Variants in AOPEP observed in about 807,000 individuals in gnomAD.
AOPEP encodes aminopeptidase O (putative).
AOPEP carries 77 observed loss-of-function variants against 98.1 expected under a neutral mutation model. The ratio of observed to expected loss-of-function variants is 0.78; its 90% CI spans 0.65 to 0.95. The LOEUF (loss-of-function observed/expected upper bound fraction) is 0.95, where lower values mean the gene tolerates loss of function less well. Ranked by LOEUF, AOPEP falls within the 40% of genes least tolerant of loss-of-function variation. The pLI is 0.00. For missense variants in AOPEP, 1,024 were observed against 1,024.7 expected (o/e 1.00, Z 0.01); for synonymous variants, 346 against 365.3 (o/e 0.95, Z 0.60).
rs2061951896 is a variant in AOPEP, at chr9:95,005,628, C to T, written c.2115+12C>T. On this transcript the variant is annotated intron_variant, in intron 13 of 16. Transcript: ENST00000375315. ...AGGTGTTTGAAAAGGTAGGGGTTCCCGAGACGGTACTCGGTGCAGGTCTTG... is the reference window on the plus strand; with the variant it reads ...AGGTGTTTGAAAAGGTAGGGGTTCCTGAGACGGTACTCGGTGCAGGTCTTG... 6 of 1,611,752 alleles carry T rather than the reference C, an allele frequency of 3.7e-6. No individual in the cohort carries two copies. The highest frequency in any genetic ancestry group is 1.1e-5 in the South Asian group (1 of 91,032).
intron 5 of AOPEP, among the ~76,000 whole-genome samples, chr9:94,881,255 T>G (rs1429486117): frequency 1.3e-5 from 2 of 152,048 alleles, no homozygotes; most frequent in Non-Finnish European, 2.9e-5. Context: ...TATTTTTTTT[T>G]TTTTTTTAAG....
intron 6 of AOPEP, among the ~76,000 whole-genome samples, chr9:94,924,706 G>A (rs1253051279): frequency 6.6e-6 from 1 of 152,184 alleles, no homozygotes; most frequent in African/African-American, 2.4e-5. Flanking sequence ...GGTGAGAACT[G>A]TGGCAAACTG....
chr9:94,989,609 C>CTT (rs71498953), intron 11 of AOPEP, among the ~76,000 whole-genome samples: 37 of 123,936 alleles, frequency 3.0e-4, no homozygotes, highest in Non-Finnish European at 4.4e-4. Flanking sequence ...GTAACCCAAA[C>CTT]TTTTTTTTTT....
At chr9:94,987,324 A>T (rs543688088) in intron 11 of AOPEP, among the ~76,000 whole-genome samples, 2 of 152,372 alleles carry the variant, frequency 1.3e-5, no homozygotes, top group South Asian at 4.1e-4. Flanking sequence ...ATCTTGAAGG[A>T]CAGGCAGGTA....
chr9:94,897,694 A>G (rs2049764325), intron 5 of AOPEP, among the ~76,000 whole-genome samples: 2 of 152,224 alleles, frequency 1.3e-5, no homozygotes, highest in African/African-American at 4.8e-5. Flanking sequence ...TGTTTTAATA[A>G]AAATCTCTCT....
rs1394534198 is a variant in AOPEP, at chr9:94,972,143, A to T, written c.1916+4342A>T. 6.6e-6 allele frequency among the ~76,000 whole-genome samples: 1 copy of T among 152,222 alleles called. No individual in the cohort carries two copies. Among genetic ancestry groups the T allele is most frequent in the Non-Finnish European group, 1.5e-5 (1 of 68,042 alleles). On this transcript the variant is annotated intron_variant, in intron 10 of 16. Coordinates refer to ENST00000375315, the MANE Select transcript of AOPEP (RefSeq NM_001193329.3). This position sits in a 1 kb window ranked among gnomAD's most constrained non-coding sequence, Gnocchi z 4.2. The stretch of plus-strand genomic sequence containing the variant: ...TGACCGTGGTGGTGGGTTTGAGAGT[A>T]AATAACGGCCAAGGCATACTTTAGA...
chr9:95,014,926 G>A (rs1428477189), intron 13 of AOPEP, among the ~76,000 whole-genome samples: 1 of 152,188 alleles, frequency 6.6e-6, no homozygotes, highest in Non-Finnish European at 1.5e-5. Context: ...CCACGTAAGA[G>A]GCTGCTGGAA....
intron 1 of AOPEP, among the ~76,000 whole-genome samples, chr9:94,751,363 A>G (rs1285922904): frequency 6.6e-6 from 1 of 152,224 alleles, no homozygotes; most frequent in South Asian, 2.1e-4. Flanking sequence ...GCAGAATTAT[A>G]TTAATTAAAT....
In AOPEP at chr9:94,865,547, T is replaced by A. The variant is rs2045611529; in HGVS notation, c.1365-58439T>A. Among the ~76,000 whole-genome samples, 3 of 152,248 alleles carry A rather than the reference T, an allele frequency of 2.0e-5. No homozygotes were observed. In the South Asian group the frequency reaches 6.2e-4, roughly 31 times the overall value. Reference sequence around the variant, plus strand: ...AATTGCTGATTAGTGAGTCTTTTGCTAGGCTAGGGCTTAAACTGCTTTCAA... The same window carrying A: ...AATTGCTGATTAGTGAGTCTTTTGCAAGGCTAGGGCTTAAACTGCTTTCAA... On this transcript the variant is annotated intron_variant, in intron 5 of 16. Coordinates refer to ENST00000375315, the MANE Select transcript of AOPEP (RefSeq NM_001193329.3).
the AOPEP span, among the ~76,000 whole-genome samples, chr9:95,119,686 T>C: frequency 2.0e-5 from 3 of 151,980 alleles, no homozygotes; most frequent in African/African-American, 7.3e-5. Flanking sequence ...TTCTTAATGA[T>C]ATCTATCAAA....
At chr9:94,982,882 A>G (rs890104861) in intron 11 of AOPEP, among the ~76,000 whole-genome samples, 4 of 152,174 alleles carry the variant, frequency 2.6e-5, no homozygotes, top group African/African-American at 7.2e-5. Context: ...CCCCATAGCC[A>G]TATATTCTAG....
chr9:94,915,049 A>G (rs1033989899), intron 5 of AOPEP, among the ~76,000 whole-genome samples: 2 of 152,144 alleles, frequency 1.3e-5, no homozygotes, highest in Non-Finnish European at 2.9e-5. Context: ...CAAGCAAAAC[A>G]TGTGTATGAG....
intron 9 of AOPEP, among the ~76,000 whole-genome samples, chr9:94,962,564 T>C (rs1367470969): frequency 6.6e-6 from 1 of 152,158 alleles, no homozygotes; most frequent in East Asian, 1.9e-4. Context: ...TTTTAATTAC[T>C]TTAATGGTTT....
At chr9:95,136,437 G>A in the AOPEP span, among the ~76,000 whole-genome samples, 2 of 151,906 alleles carry the variant, frequency 1.3e-5, no homozygotes, top group East Asian at 1.9e-4. Flanking sequence ...TGATGCACTG[G>A]ACCTTAAGTG....
the AOPEP span, among the ~76,000 whole-genome samples, chr9:95,135,884 G>A: frequency 6.6e-6 from 1 of 152,132 alleles, no homozygotes; most frequent in East Asian, 1.9e-4. Flanking sequence ...TCACAATAGG[G>A]ATGCGGACCT....
At chr9:95,033,296 C>CTG (rs746374184) in intron 13 of AOPEP, among the ~76,000 whole-genome samples, 1 of 152,106 alleles carries the variant, frequency 6.6e-6, no homozygotes, top group Non-Finnish European at 1.5e-5. Flanking sequence ...TGTTCTGGTG[C>CTG]CGTGTGCTCA....
chr9:94,911,380 C>A (rs1464929917), intron 5 of AOPEP, among the ~76,000 whole-genome samples: 1 of 152,254 alleles, frequency 6.6e-6, no homozygotes, highest in Non-Finnish European at 1.5e-5. Context: ...CACATCCATG[C>A]TGTCATTGTC....
intron 5 of AOPEP, among the ~76,000 whole-genome samples, chr9:94,851,688 G>C (rs1206260054): frequency 6.6e-6 from 1 of 150,862 alleles, no homozygotes; most frequent in Non-Finnish European, 1.5e-5. Flanking sequence ...GCTCTTGAGC[G>C]AAAGTAGTTC....
chr9:95,149,999 G>A, the AOPEP span: 2 of 1,613,936 alleles, frequency 1.2e-6, no homozygotes, highest in African/African-American at 1.3e-5. Flanking sequence ...TGACAGATGA[G>A]GAGAGCCTCC....
Sources: allele counts gnomAD v4.1 joint callset (sites outside exome capture counted in the v4.1 genomes callset), GRCh38; gene constraint gnomAD v4.1.1; non-coding constraint Gnocchi (gnomAD v3.1); transcripts MANE v1.5; gene names NCBI Gene and HGNC (gene_info 2026-07-23, HGNC 2026-07-21).